The following TMEM234 variants were observed in gnomAD, a reference collection of about 807,000 sequenced individuals.
TMEM234 encodes the protein chromosome 1 open reading frame 91.
Under a neutral mutation model 17.8 loss-of-function variants are expected in TMEM234, and 21 were observed. The observed-to-expected ratio is 1.18, with a 90% CI of 0.84 to 1.70. The LOEUF (loss-of-function observed/expected upper bound fraction) is 1.70. Among genes scored for constraint, TMEM234 ranks in the 40% most tolerant of loss-of-function variants. The pLI, the probability that TMEM234 is intolerant of heterozygous loss-of-function variation, is 0.00. For synonymous variants in TMEM234, 83 were observed against 73.5 expected (o/e 1.13, Z -0.66); for missense variants, 137 against 166.9 (o/e 0.82, Z 0.99).
intron 3 of TMEM234, among the ~76,000 whole-genome samples, chr1:32,220,534 T>C (rs1638801866): frequency 1.3e-5 from 2 of 152,210 alleles, no homozygotes; most frequent in South Asian, 4.1e-4. Context: ...CCTGTGGGAC[T>C]TGAGAGGTGA....
chr1:32,216,977 C>G (rs772828662), intron 4 of TMEM234, 30 bp from the exon 5 acceptor site: 1 of 1,613,924 alleles, frequency 6.2e-7, no homozygotes, highest in Non-Finnish European at 8.5e-7. Context: ...TCAGGAGGGT[C>G]TGAGCTCAGC....
At chr1:32,217,942 GT>G (rs1346741194) in intron 3 of TMEM234, among the ~76,000 whole-genome samples, 1 of 152,218 alleles carries the variant, frequency 6.6e-6, no homozygotes, top group Non-Finnish European at 1.5e-5. Context: ...AGCACATTTT[GT>G]TTCTGTTTCA....
At position 32,216,276 on chromosome 1, in the gene TMEM234, C is replaced by T. The variant is rs1638373385; in HGVS notation, c.*577G>A. ...TCAGGTGGGGCTGGGGCTCACAGCT[C>T]TCTACCTGTTTAAGAGGGGCTGGCA... is the stretch of plus-strand genomic sequence containing the variant. On this transcript the variant is annotated 3_prime_UTR_variant, in exon 5 of 5. Transcript: ENST00000309777. 6.1e-6 allele frequency: 9 copies of T among 1,481,044 alleles called. No individual in the cohort carries two copies. The East Asian group carries it at 2.2e-4, about 37-fold the overall frequency. 91.7% of individuals were successfully genotyped at this position (1,481,044 alleles called of 1,614,324 possible).
At chr1:32,222,143 G>A in intron 1 of TMEM234, 125 bp from the exon 2 acceptor site, 1 of 1,502,688 alleles carries the variant, frequency 6.7e-7, no homozygotes, top group East Asian at 2.3e-5. Flanking sequence ...CGCCTCGGCT[G>A]CGACTGGCGG....
intron 3 of TMEM234, chr1:32,217,562 G>A: frequency 2.7e-6 from 3 of 1,104,126 alleles, no homozygotes; most frequent in Non-Finnish European, 4.0e-6. Context: ...CCTGAACTCT[G>A]AGGTCTGGGA....
intron 2 of TMEM234, 58 bp from the exon 3 acceptor site, chr1:32,221,255 C>T (rs920228708): frequency 3.2e-5 from 42 of 1,328,214 alleles, no homozygotes; most frequent in Non-Finnish European, 4.5e-5. Flanking sequence ...GCACTGCCTT[C>T]TTTGAGCTCC....
chr1:32,215,096 C>A, downstream of TMEM234: 2 of 989,142 alleles, frequency 2.0e-6, no homozygotes, highest in Non-Finnish European at 2.9e-6. Flanking sequence ...TACTGTGGCT[C>A]AGGAGACTGC....
At chr1:32,217,461 A>G in intron 3 of TMEM234, 110 bp from the exon 4 acceptor site, 2 of 1,554,528 alleles carry the variant, frequency 1.3e-6, no homozygotes, top group South Asian at 1.2e-5. Flanking sequence ...TCAAAACCCC[A>G]TCTTCCAGAT....
chr1:32,216,520 G>T lies in TMEM234; in HGVS notation c.*333C>A. The T allele has an allele frequency of 6.4e-7, 1 of 1,551,718 alleles. No individual in the cohort carries two copies. The highest frequency in any genetic ancestry group is 1.2e-5 in the South Asian group (1 of 84,062). ...TGGAGTTCTGCAGTCCATGGAACCT[G>T]CCACCATGATAGTCCAGATCAGGCC... On this transcript the variant is annotated 3_prime_UTR_variant, in exon 5 of 5. Transcript: ENST00000309777.
In TMEM234 at chr1:32,216,537, G is replaced by T; in HGVS notation, c.*316C>A. The T allele has an allele frequency of 6.4e-7, 1 of 1,551,516 alleles. No individual in the cohort carries two copies. Among genetic ancestry groups the T allele is most frequent in the South Asian group, 1.2e-5 (1 of 84,066 alleles). On this transcript the variant is annotated 3_prime_UTR_variant, in exon 5 of 5. Coordinates refer to ENST00000309777, the MANE Select transcript of TMEM234 (RefSeq NM_019118.5). ...TGGAACCTGCCACCATGATAGTCCA[G>T]ATCAGGCCACAGTAATGGTGGCTGG...
chr1:32,216,209 C>T lies in TMEM234; in HGVS notation c.*644G>A. On this transcript the variant is annotated 3_prime_UTR_variant, in exon 5 of 5. Transcript: ENST00000309777. ...ACTTACTAACCTCTTGTCTGTTTAC[C>T]ATAGATTTATTGACAGCTACTACTC... is the stretch of plus-strand genomic sequence containing the variant. 1.0e-6 allele frequency: 1 copy of T among 984,278 alleles called. No individual in the cohort carries two copies. Among genetic ancestry groups the T allele is most frequent in the Non-Finnish European group, 1.5e-6 (1 of 684,544 alleles). The allele number at this position is 984,278 out of a possible 1,614,324, so 61.0% of individuals were successfully genotyped here. A position where few individuals can be genotyped will look rare whatever the true frequency, so the allele number is the denominator to read the frequency against.
At chr1:32,215,766 A>G, downstream of TMEM234, 2 of 1,486,630 alleles carry the variant, frequency 1.3e-6, no homozygotes, top group Non-Finnish European at 1.8e-6. Context: ...GGCCATACTC[A>G]CGGCTCCATT....
At position 32,216,249 on chromosome 1, in the gene TMEM234, A is replaced by G; in HGVS notation, c.*604T>C. 7.3e-7 allele frequency: 1 copy of G among 1,367,318 alleles called. No individual in the cohort carries two copies. The highest frequency in any genetic ancestry group is 9.8e-7 in the Non-Finnish European group (1 of 1,023,438). 84.7% of individuals were successfully genotyped at this position (1,367,318 alleles called of 1,614,324 possible). ...AGCTACTACTCGCCAGGTGTGCTGG[A>G]GTCAGGTGGGGCTGGGGCTCACAGC... On this transcript the variant is annotated 3_prime_UTR_variant, in exon 5 of 5. Coordinates refer to ENST00000309777, the MANE Select transcript of TMEM234 (RefSeq NM_019118.5).
At chr1:32,222,225 G>A (rs1557549932) in intron 1 of TMEM234, 82 bp downstream of exon 1, 1 of 1,522,282 alleles carries the variant, frequency 6.6e-7, no homozygotes, top group East Asian at 2.3e-5. Flanking sequence ...CAGGGGTCGG[G>A]GTTAGAGGGT....
chr1:32,222,069 A>G, intron 1 of TMEM234, 51 bp from the exon 2 acceptor site: 2 of 1,536,980 alleles, frequency 1.3e-6, no homozygotes, highest in Non-Finnish European at 1.8e-6. Context: ...ACGGCCGCCC[A>G]CCCCGCCCTC....
chr1:32,214,705 A>C, downstream of TMEM234: 15 of 1,543,488 alleles, frequency 9.7e-6, no homozygotes, highest in South Asian at 1.8e-4. Flanking sequence ...ATGTTCCTGC[A>C]GGCGTCAGGG....
At chr1:32,218,524 C>T (rs566624707) in intron 3 of TMEM234, among the ~76,000 whole-genome samples, 1 of 151,146 alleles carries the variant, frequency 6.6e-6, no homozygotes, top group South Asian at 2.1e-4. Context: ...GAGCCACAGC[C>T]AGGCGCAGTG....
At position 32,216,724 on chromosome 1, in the gene TMEM234, G is replaced by A; in HGVS notation, c.*129C>T. ...TCTTATTGTGATCCATGAGGTAGCTGTTATCCCCATAAGAGAGGAGGAAGC... is the reference window on the plus strand; with the variant it reads ...TCTTATTGTGATCCATGAGGTAGCTATTATCCCCATAAGAGAGGAGGAAGC... On this transcript the variant is annotated 3_prime_UTR_variant, in exon 5 of 5. Transcript: ENST00000309777. 6.6e-7 allele frequency: 1 copy of A among 1,507,146 alleles called. No homozygotes were observed. Among genetic ancestry groups the A allele is most frequent in the African/African-American group, 1.4e-5 (1 of 72,042 alleles). The allele number at this position is 1,507,146 out of a possible 1,614,324, so 93.4% of individuals were successfully genotyped here.
downstream of TMEM234, chr1:32,216,118 G>T: frequency 1.5e-6 from 1 of 671,710 alleles, no homozygotes; most frequent in African/African-American, 1.8e-5. Flanking sequence ...TTCCTTATGG[G>T]ATTCTCTGGC....
Sources: allele counts gnomAD v4.1 joint callset (sites outside exome capture counted in the v4.1 genomes callset), GRCh38; gene constraint gnomAD v4.1.1; transcripts MANE v1.5; gene names NCBI Gene and HGNC (gene_info 2026-07-23, HGNC 2026-07-21).